KCNN2: variants seen among roughly 807,000 people sequenced by gnomAD.
KCNN2 encodes potassium calcium-activated channel subfamily N member 2, also known as small conductance calcium-activated potassium channel protein 2.
A neutral mutation model predicts 55.5 loss-of-function variants in KCNN2; 24 were observed. The ratio of observed to expected loss-of-function variants is 0.43; its 90% confidence interval spans 0.31 to 0.61. The LOEUF (loss-of-function observed/expected upper bound fraction) is 0.61. KCNN2 is among the 20% of genes least tolerant of loss of function. The pLI is 0.08. For synonymous variants in KCNN2, 431 were observed against 336.1 expected (o/e 1.28, Z -3.09); for missense variants, 754 against 853.6 (o/e 0.88, Z 1.45).
intron 1 of KCNN2, among the ~76,000 whole-genome samples, chr5:114,107,566 T>G (rs1177973617): frequency 6.6e-6 from 1 of 151,314 alleles, no homozygotes; most frequent in Non-Finnish European, 1.5e-5. Flanking sequence ...TTTTTTTTAA[T>G]TTTTAAGTTA....
chr5:114,140,437 A>G (rs1752253706), intron 1 of KCNN2, among the ~76,000 whole-genome samples: 1 of 152,192 alleles, frequency 6.6e-6, no homozygotes, highest in Admixed American at 6.5e-5. Context: ...CATAAAAGCA[A>G]TGTTTGGAAG....
At chr5:114,146,742 T>TTCAG in intron 1 of KCNN2, among the ~76,000 whole-genome samples, 1 of 152,312 alleles carries the variant, frequency 6.6e-6, no homozygotes, top group East Asian at 1.9e-4. Flanking sequence ...AGAATATTTA[T>TTCAG]GTTTAAGACC....
At chr5:114,322,543 G>A (rs1162986776) in intron 2 of KCNN2, among the ~76,000 whole-genome samples, 2 of 150,054 alleles carry the variant, frequency 1.3e-5, no homozygotes, top group African/African-American at 4.9e-5. Flanking sequence ...CACACTGCAT[G>A]CATACATGTG....
Position 114,412,523 on chromosome 5 carries a change from A to G in KCNN2, c.1637+7667A>G, listed in dbSNP as rs188249970. 5.4e-4 allele frequency among the ~76,000 whole-genome samples: 82 copies of G among 152,354 alleles called. No individual in the cohort carries two copies. The South Asian group carries it at 9.5e-3, about 18-fold the overall frequency. On this transcript the variant is annotated intron_variant, in intron 3 of 7. Coordinates refer to ENST00000673685, the MANE Select transcript of KCNN2 (RefSeq NM_021614.4). ...TTTATCTGTTTATATAACATAAGCCAGTTGTCATGGAGGAAGGGATGAATG... is the reference window on the plus strand; with the variant it reads ...TTTATCTGTTTATATAACATAAGCCGGTTGTCATGGAGGAAGGGATGAATG...
intron 2 of KCNN2, among the ~76,000 whole-genome samples, chr5:114,339,061 T>C (rs773774066): frequency 6.6e-6 from 1 of 152,236 alleles, no homozygotes; most frequent in Non-Finnish European, 1.5e-5. Flanking sequence ...CTTAAGACCA[T>C]TGGCCTACTA....
chr5:114,276,813 T>C (rs1472468622), intron 2 of KCNN2, among the ~76,000 whole-genome samples: 3 of 152,134 alleles, frequency 2.0e-5, no homozygotes, highest in Non-Finnish European at 4.4e-5. Flanking sequence ...TGTCTTTTGA[T>C]TGGGACATTT....
At chr5:114,218,910 G>A (rs1374423766) in intron 1 of KCNN2, among the ~76,000 whole-genome samples, 2 of 152,138 alleles carry the variant, frequency 1.3e-5, no homozygotes, top group East Asian at 1.9e-4. Flanking sequence ...ATGGTACCTT[G>A]TTCACTCAGC....
At chr5:114,285,332 G>A (rs182031007) in intron 2 of KCNN2, among the ~76,000 whole-genome samples, 5 of 150,258 alleles carry the variant, frequency 3.3e-5, no homozygotes, top group Non-Finnish European at 5.9e-5. Flanking sequence ...AAAATATATC[G>A]GTAATTCCAA....
upstream of KCNN2, among the ~76,000 whole-genome samples, chr5:114,360,752 C>G (rs979257677): frequency 1.3e-5 from 2 of 152,172 alleles, no homozygotes; most frequent in African/African-American, 4.8e-5. Context: ...TCCAACAAAA[C>G]TCCAGCACTG....
intron 2 of KCNN2, among the ~76,000 whole-genome samples, chr5:114,257,631 C>T (rs1411114548): frequency 6.6e-6 from 1 of 151,976 alleles, no homozygotes. Context: ...GGATTGACTT[C>T]TTGATTTGGT....
intron 2 of KCNN2, among the ~76,000 whole-genome samples, chr5:114,356,013 A>C (rs1757288273): frequency 6.6e-6 from 1 of 152,166 alleles, no homozygotes; most frequent in Non-Finnish European, 1.5e-5. Context: ...AGAGAAACGA[A>C]AAAGCCAGTG....
chr5:114,412,918 A>G (rs551398191), intron 3 of KCNN2, among the ~76,000 whole-genome samples: 1 of 152,354 alleles, frequency 6.6e-6, no homozygotes, highest in East Asian at 1.9e-4. Context: ...CCACTTGAAG[A>G]TTCAGCTGTT....
At chr5:114,258,636 C>T (rs190362805) in intron 2 of KCNN2, among the ~76,000 whole-genome samples, 21 of 152,206 alleles carry the variant, frequency 1.4e-4, no homozygotes, top group Admixed American at 2.0e-4. Context: ...CATACAGATG[C>T]GCATACTATT....
chr5:114,257,280 G>A (rs746439543), intron 2 of KCNN2, among the ~76,000 whole-genome samples: 5 of 152,048 alleles, frequency 3.3e-5, no homozygotes, highest in East Asian at 1.9e-4. Context: ...ATAATTTGAA[G>A]TCAGGTAATA....
intron 1 of KCNN2, among the ~76,000 whole-genome samples, chr5:114,185,012 T>TA (rs1404866106): frequency 6.6e-6 from 1 of 152,260 alleles, no homozygotes; most frequent in African/African-American, 2.4e-5. Flanking sequence ...GTTTTTGGTG[T>TA]TTAAATGAAG....
intron 2 of KCNN2, among the ~76,000 whole-genome samples, chr5:114,329,923 C>G (rs1268741904): frequency 6.6e-6 from 1 of 152,156 alleles, no homozygotes. Context: ...TGCTGCTCCA[C>G]TGGGCACAGT....
chr5:114,342,965 G>T (rs1456584937), intron 2 of KCNN2, among the ~76,000 whole-genome samples: 2 of 152,156 alleles, frequency 1.3e-5, no homozygotes, highest in Non-Finnish European at 2.9e-5. Flanking sequence ...CAGGTCTTAA[G>T]CCCAGCATCC....
chr5:114,493,860 T>C (rs1747980478), intron 7 of KCNN2, among the ~76,000 whole-genome samples: 1 of 152,172 alleles, frequency 6.6e-6, no homozygotes, highest in Non-Finnish European at 1.5e-5. Context: ...AATTAAATTT[T>C]GTCCTATGTA....
chr5:114,266,222 A>G (rs1755205107), intron 2 of KCNN2, among the ~76,000 whole-genome samples: 1 of 152,126 alleles, frequency 6.6e-6, no homozygotes, highest in African/African-American at 2.4e-5. Flanking sequence ...GCTACAACAC[A>G]TTTCAGTTCA....
Sources: gnomAD v4.1 joint callset for allele counts (sites outside exome capture counted in the v4.1 genomes callset) on GRCh38, gnomAD v4.1.1 for gene constraint, MANE v1.5 for transcripts, NCBI Gene and HGNC (gene_info 2026-07-23, HGNC 2026-07-21) for gene names.